FTCDNL1: variants seen among roughly 807,000 people sequenced by gnomAD.
FTCDNL1 encodes the protein formiminotransferase N-terminal subdomain-containing protein.
A neutral mutation model predicts 5.9 loss-of-function variants in FTCDNL1; 11 were observed. That is an observed-to-expected ratio of 1.87 (90% CI 1.18 to 3.10). FTCDNL1 has a LOEUF of 3.10. Ranked by LOEUF, FTCDNL1 falls within the 30% of genes most tolerant of loss-of-function variation. The pLI is 0.00. For missense variants in FTCDNL1, 115 were observed against 65.5 expected (o/e 1.76, Z -2.61); for synonymous variants, 58 against 24.8 (o/e 2.34, Z -3.99).
intron 3 of FTCDNL1, among the ~76,000 whole-genome samples, chr2:199,800,205 AG>A (rs138548313): frequency 3.0e-4 from 46 of 152,302 alleles, no homozygotes; most frequent in African/African-American, 1.1e-3. Flanking sequence ...AAAGGGTAAA[AG>A]AATAGACTTC....
chr2:199,689,378 C>G, the FTCDNL1 span, among the ~76,000 whole-genome samples: 1 of 152,230 alleles, frequency 6.6e-6, no homozygotes, highest in East Asian at 1.9e-4. Context: ...ATAATGACGG[C>G]CTTGAAAGGA....
chr2:199,775,778 G>T (rs1699029496), intron 3 of FTCDNL1, among the ~76,000 whole-genome samples: 1 of 152,168 alleles, frequency 6.6e-6, no homozygotes, highest in African/African-American at 2.4e-5. Flanking sequence ...GGACCTTATA[G>T]GTTCCAGGCT....
chr2:199,705,119 G>C, the FTCDNL1 span, among the ~76,000 whole-genome samples: 1 of 152,136 alleles, frequency 6.6e-6, no homozygotes, highest in African/African-American at 2.4e-5. Flanking sequence ...ATTGCTCTAG[G>C]AAAGGTGGTG....
chr2:199,752,546 C>T, the FTCDNL1 span, among the ~76,000 whole-genome samples: 1 of 152,190 alleles, frequency 6.6e-6, no homozygotes, highest in Non-Finnish European at 1.5e-5. Flanking sequence ...ACTAGACTGT[C>T]TTCCTCAAAG....
chr2:199,806,710 G>A (rs772902126), downstream of FTCDNL1, among the ~76,000 whole-genome samples: 23 of 151,726 alleles, frequency 1.5e-4, no homozygotes, highest in Admixed American at 2.0e-4. Flanking sequence ...TTAATTTATC[G>A]TGAGTCAAGC....
At chr2:199,848,823 A>C (rs2076797973) in intron 2 of FTCDNL1, 25 bp downstream of exon 2, 1 of 700,940 alleles carries the variant, frequency 1.4e-6, no homozygotes, top group Non-Finnish European at 2.6e-6. Context: ...TATAATATTC[A>C]GCTTCAATTG....
chr2:199,796,455 A>C (rs946596479), intron 3 of FTCDNL1, among the ~76,000 whole-genome samples: 3 of 152,200 alleles, frequency 2.0e-5, no homozygotes, highest in Admixed American at 6.5e-5. Context: ...AAATATGTGA[A>C]CTGTAATTAT....
the FTCDNL1 span, among the ~76,000 whole-genome samples, chr2:199,731,269 G>A: frequency 2.0e-5 from 3 of 152,142 alleles, no homozygotes; most frequent in Non-Finnish European, 4.4e-5. Flanking sequence ...TAGATGATGG[G>A]TTGATAGGTG....
At chr2:199,692,913 A>G in the FTCDNL1 span, among the ~76,000 whole-genome samples, 2 of 152,230 alleles carry the variant, frequency 1.3e-5, no homozygotes, top group East Asian at 3.8e-4. Context: ...CAGTGCTTGT[A>G]TACACAATAA....
chr2:199,797,796 A>C (rs1189211579), intron 3 of FTCDNL1, among the ~76,000 whole-genome samples: 1 of 152,232 alleles, frequency 6.6e-6, no homozygotes, highest in Non-Finnish European at 1.5e-5. Flanking sequence ...CAGCTCAATT[A>C]ACTGAATGAA....
At chr2:199,815,297 T>C (rs1418727886) in intron 4 of FTCDNL1, among the ~76,000 whole-genome samples, 3 of 152,220 alleles carry the variant, frequency 2.0e-5, no homozygotes, top group Admixed American at 6.5e-5. Flanking sequence ...AGCTCACTTC[T>C]TTTTCTCTTC....
rs1218608133 is a variant in FTCDNL1 at position 199,834,923 on chromosome 2, C to T, written c.211+11152G>A. On this transcript the variant is annotated intron_variant, in intron 3 of 4. Transcript: ENST00000420128. ...GTGTGGTGGCTCATGCCTATAATCC[C>T]AGAGCTTTAGGAAGCCAAGGCAGGA... 3.3e-5 allele frequency among the ~76,000 whole-genome samples: 5 copies of T among 152,156 alleles called. No individual in the cohort carries two copies. In the East Asian group the frequency reaches 9.6e-4, roughly 29 times the overall value.
chr2:199,830,835 G>T (rs1181393972), intron 3 of FTCDNL1, among the ~76,000 whole-genome samples: 2 of 152,082 alleles, frequency 1.3e-5, no homozygotes, highest in Non-Finnish European at 2.9e-5. Context: ...GACTAGAACT[G>T]GATGTTATTC....
the FTCDNL1 span, among the ~76,000 whole-genome samples, chr2:199,724,371 T>C: frequency 6.6e-6 from 1 of 152,160 alleles, no homozygotes; most frequent in Non-Finnish European, 1.5e-5. Context: ...GGGTTTTTCA[T>C]GTCTATCTCC....
chr2:199,808,316 T>A (rs1286734709), downstream of FTCDNL1, among the ~76,000 whole-genome samples: 1 of 152,260 alleles, frequency 6.6e-6, no homozygotes, highest in Admixed American at 6.5e-5. Context: ...AGTTATCTTA[T>A]TCAGATATGA....
intron 2 of FTCDNL1, 110 bp from the exon 3 acceptor site, chr2:199,846,280 T>C (rs2076730738): frequency 3.4e-6 from 2 of 580,550 alleles, no homozygotes; most frequent in Non-Finnish European, 6.1e-6. Context: ...AATTCTGGGA[T>C]GTGACTTTTG....
At chr2:199,814,112 AAC>A (rs557544494) in intron 4 of FTCDNL1, among the ~76,000 whole-genome samples, 99 of 152,140 alleles carry the variant, frequency 6.5e-4, no homozygotes, top group African/African-American at 2.2e-3. Context: ...CAAAAACATA[AAC>A]AGTTATTATA....
At chr2:199,702,229 G>A in the FTCDNL1 span, among the ~76,000 whole-genome samples, 10 of 151,874 alleles carry the variant, frequency 6.6e-5, no homozygotes, top group Non-Finnish European at 2.9e-5. Flanking sequence ...TCAAACCCCC[G>A]TGACATTCAA....
At chr2:199,781,115 T>C (rs748182917) in intron 3 of FTCDNL1, among the ~76,000 whole-genome samples, 2 of 152,242 alleles carry the variant, frequency 1.3e-5, no homozygotes, top group Non-Finnish European at 2.9e-5. Context: ...TCTTACTTCA[T>C]GTCCGCTCCC....
Sources: gnomAD v4.1 joint callset for allele counts (sites outside exome capture counted in the v4.1 genomes callset) on GRCh38, gnomAD v4.1.1 for gene constraint, MANE v1.5 for transcripts, NCBI Gene and HGNC (gene_info 2026-07-23, HGNC 2026-07-21) for gene names.